The following MYRIP variants were observed in gnomAD, a reference collection of about 807,000 sequenced individuals.
MYRIP encodes myosin VIIA and Rab interacting protein.
A neutral mutation model predicts 98.0 loss-of-function variants in MYRIP; 49 were observed. The ratio of observed to expected loss-of-function variants is 0.50; its 90% CI spans 0.40 to 0.63. The LOEUF (loss-of-function observed/expected upper bound fraction) is 0.63. MYRIP is among the 30% of genes least tolerant of loss of function. The pLI, the probability that MYRIP is intolerant of heterozygous loss-of-function variation, is 0.00. For synonymous variants in MYRIP, 404 were observed against 409.5 expected (o/e 0.99, Z 0.16); for missense variants, 1,004 against 1,058.2 (o/e 0.95, Z 0.71).
intron 1 of MYRIP, among the ~76,000 whole-genome samples, chr3:39,825,309 G>A (rs1941230118): frequency 6.6e-6 from 1 of 152,128 alleles, no homozygotes; most frequent in African/African-American, 2.4e-5. Context: ...TTCCCATTCA[G>A]TATGATGTTA....
chr3:39,978,163 T>C (rs1453499647), intron 2 of MYRIP, among the ~76,000 whole-genome samples: 1 of 152,214 alleles, frequency 6.6e-6, no homozygotes, highest in Non-Finnish European at 1.5e-5. Flanking sequence ...TCTTAACTGA[T>C]GCCCTTGAAT....
intron 3 of MYRIP, among the ~76,000 whole-genome samples, chr3:40,060,042 G>T (rs942676766): frequency 1.3e-5 from 2 of 152,120 alleles, no homozygotes; most frequent in Non-Finnish European, 2.9e-5. Context: ...ACTTGAGTGT[G>T]TGGGCTTTCT....
At chr3:39,916,802 TA>T (rs1312338442) in intron 2 of MYRIP, among the ~76,000 whole-genome samples, 1 of 151,994 alleles carries the variant, frequency 6.6e-6, no homozygotes, top group Non-Finnish European at 1.5e-5. Context: ...TAACCAAATA[TA>T]AAACCGGCCA....
chr3:40,186,187 G>A (rs1189765477), intron 9 of MYRIP, among the ~76,000 whole-genome samples: 1 of 152,166 alleles, frequency 6.6e-6, no homozygotes, highest in Non-Finnish European at 1.5e-5. Flanking sequence ...CTTGAAAGAT[G>A]GTCCAGAGAG....
intron 3 of MYRIP, among the ~76,000 whole-genome samples, chr3:40,117,633 C>T (rs376944196): frequency 2.6e-5 from 4 of 152,246 alleles, no homozygotes; most frequent in East Asian, 3.9e-4. Context: ...GATGTTCTGA[C>T]GTAGTCCATC....
intron 4 of MYRIP, among the ~76,000 whole-genome samples, chr3:40,155,524 G>A (rs1336226709): frequency 6.6e-6 from 1 of 152,044 alleles, no homozygotes; most frequent in African/African-American, 2.4e-5. Context: ...GGATGGCTGG[G>A]TCAAATGGTA....
At chr3:40,116,204 G>A (rs1192520001) in intron 3 of MYRIP, among the ~76,000 whole-genome samples, 1 of 152,194 alleles carries the variant, frequency 6.6e-6, no homozygotes, top group East Asian at 1.9e-4. Flanking sequence ...TTTTGCCCCT[G>A]ATGCTGGTAT....
intron 10 of MYRIP, chr3:40,209,101 G>A (rs1306223078): frequency 6.6e-6 from 1 of 152,238 alleles, no homozygotes; most frequent in African/African-American, 2.4e-5. Context: ...GTAATGTGCT[G>A]TGCTGGTTGG....
chr3:39,878,011 C>T (rs1250462004), intron 1 of MYRIP, among the ~76,000 whole-genome samples: 1 of 152,190 alleles, frequency 6.6e-6, no homozygotes, highest in African/African-American at 2.4e-5. Context: ...GTTCGAGCTT[C>T]CCGGCTGCTT....
At chr3:40,092,162 G>A (rs1473823407) in intron 3 of MYRIP, among the ~76,000 whole-genome samples, 1 of 152,192 alleles carries the variant, frequency 6.6e-6, no homozygotes, top group East Asian at 1.9e-4. Flanking sequence ...GACTGTGAAA[G>A]GAGGTACATC....
rs1183263734 is a variant in MYRIP, at chr3:39,809,619, T to C, written c.-328T>C. On this transcript the variant is annotated 5_prime_UTR_variant, in exon 1 of 17. Coordinates refer to ENST00000302541, the MANE Select transcript of MYRIP (RefSeq NM_015460.4). Reference sequence around the variant, plus strand: ...GCGGTGGCTGCGGCCAGGCTGGCCCTGGCTGCCTGCGGCGCGGGCGCCTCC... The same window carrying C: ...GCGGTGGCTGCGGCCAGGCTGGCCCCGGCTGCCTGCGGCGCGGGCGCCTCC... 1 of 151,494 alleles carries C rather than the reference T, an allele frequency of 6.6e-6. No homozygotes were observed. The highest frequency in any genetic ancestry group is 2.4e-5 in the African/African-American group (1 of 41,328). The allele number at this position is 151,494 out of a possible 1,614,324, so 9.4% of individuals were successfully genotyped here.
chr3:40,160,595 C>T (rs868293378), intron 4 of MYRIP, among the ~76,000 whole-genome samples: 6 of 152,182 alleles, frequency 3.9e-5, no homozygotes, highest in Non-Finnish European at 5.9e-5. Flanking sequence ...CCCCCAGCCT[C>T]GCTGCCACCT....
At chr3:40,258,076 T>C in intron 16 of MYRIP, 58 bp from the exon 17 acceptor site, 1 of 1,586,244 alleles carries the variant, frequency 6.3e-7, no homozygotes, top group South Asian at 1.1e-5. Context: ...TATTTTTCAT[T>C]GCTTCTTCTC....
chr3:40,083,255 G>A (rs1948519692), intron 3 of MYRIP, among the ~76,000 whole-genome samples: 1 of 152,184 alleles, frequency 6.6e-6, no homozygotes, highest in Non-Finnish European at 1.5e-5. Context: ...AATGCTGTGA[G>A]TGGGTCTTCA....
chr3:40,021,879 C>A (rs977173012), intron 2 of MYRIP, among the ~76,000 whole-genome samples: 6 of 152,144 alleles, frequency 3.9e-5, no homozygotes, highest in African/African-American at 9.7e-5. Context: ...GATGTGAAAA[C>A]CACTTGTCAT....
At chr3:39,910,633 A>G (rs917758202) in intron 2 of MYRIP, among the ~76,000 whole-genome samples, 5 of 152,230 alleles carry the variant, frequency 3.3e-5, no homozygotes, top group African/African-American at 1.2e-4. Flanking sequence ...ATAGCTCAAT[A>G]ATTTTTATAT....
intron 8 of MYRIP, among the ~76,000 whole-genome samples, chr3:40,178,786 C>G (rs1950823604): frequency 6.6e-6 from 1 of 152,154 alleles, no homozygotes; most frequent in Non-Finnish European, 1.5e-5. Flanking sequence ...TTACCCACTA[C>G]CTAAGGTATC....
At chr3:39,875,724 G>T (rs1296896816) in intron 1 of MYRIP, among the ~76,000 whole-genome samples, 3 of 150,886 alleles carry the variant, frequency 2.0e-5, no homozygotes, top group Non-Finnish European at 4.4e-5. Context: ...TATAATTTCT[G>T]TTCTTTTACA....
At chr3:39,845,207 G>A (rs1377430532) in intron 1 of MYRIP, among the ~76,000 whole-genome samples, 1 of 152,172 alleles carries the variant, frequency 6.6e-6, no homozygotes, top group Admixed American at 6.5e-5. Context: ...TGCAGCTGGA[G>A]AGGTAGAGTG....
Sources: gnomAD v4.1 joint callset for allele counts (sites outside exome capture counted in the v4.1 genomes callset) on GRCh38, gnomAD v4.1.1 for gene constraint, MANE v1.5 for transcripts, NCBI Gene and HGNC (gene_info 2026-07-23, HGNC 2026-07-21) for gene names.